Variants in POC1B observed in about 807,000 individuals in gnomAD.
POC1B encodes the protein POC1 centriolar protein B.
In POC1B, 44 loss-of-function variants were observed where a neutral mutation model predicts 60.6. That is an observed-to-expected ratio of 0.73 (90% CI 0.57 to 0.93). POC1B has a LOEUF of 0.93. POC1B is among the 40% of genes least tolerant of loss of function. The pLI is 0.00. For missense variants in POC1B, 555 were observed against 572.3 expected, an observed-to-expected ratio of 0.97 and a Z score of 0.31; for synonymous variants, 180 against 198.9, an observed-to-expected ratio of 0.90 and a Z score of 0.80.
intron 4 of POC1B, among the ~76,000 whole-genome samples, chr12:89,475,700 A>G (rs1883074949): frequency 6.6e-6 from 1 of 152,174 alleles, no homozygotes; most frequent in South Asian, 2.1e-4. Flanking sequence ...ACATTAATAG[A>G]TTTCTGACTC....
At chr12:89,425,107 T>A in intron 11 of POC1B, 54 bp downstream of exon 11, 2 of 1,552,832 alleles carry the variant, frequency 1.3e-6, no homozygotes, top group Non-Finnish European at 1.8e-6. Context: ...TATCCAGAAT[T>A]GTTTTGTGTA....
At chr12:89,525,344 C>A in intron 1 of POC1B, 140 bp from the exon 2 acceptor site, 1 of 1,435,370 alleles carries the variant, frequency 7.0e-7, no homozygotes, top group Non-Finnish European at 9.1e-7. Flanking sequence ...CGGGGCCGGG[C>A]AGCAGCCCAC....
intron 2 of POC1B, among the ~76,000 whole-genome samples, chr12:89,508,046 C>G (rs982859627): frequency 1.3e-5 from 2 of 152,246 alleles, no homozygotes; most frequent in African/African-American, 2.4e-5. Flanking sequence ...TCCTTCTAGT[C>G]CTTGGCAACC....
intron 9 of POC1B, among the ~76,000 whole-genome samples, chr12:89,466,436 C>T (rs1185831943): frequency 6.6e-6 from 1 of 151,988 alleles, no homozygotes; most frequent in African/African-American, 2.4e-5. Flanking sequence ...AAATTCTTGC[C>T]CTCCAGCCTT....
rs7299750 is a variant in POC1B, at chr12:89,522,888, C to T, written c.100+2232G>A. 2.3e-3 allele frequency: 3,696 copies of T among 1,613,428 alleles called. 86 individuals are homozygous for T. In the African/African-American group the frequency reaches 0.043, roughly 19 times the overall value. On this transcript the variant is annotated intron_variant, in intron 2 of 11. Transcript: ENST00000313546. ...TCATTTGTACATCAGGTCGGCCCTC[C>T]GGTGTCCGATAAGCACTAAGACACA...
At chr12:89,460,114 TATA>T (rs1036929247) in intron 9 of POC1B, 7 of 285,792 alleles carry the variant, frequency 2.4e-5, no homozygotes, top group African/African-American at 1.1e-4. Flanking sequence ...CTCATTCATA[TATA>T]ATGTTATCTA....
intron 10 of POC1B, among the ~76,000 whole-genome samples, chr12:89,457,975 G>A (rs1394960601): frequency 6.6e-6 from 1 of 152,160 alleles, no homozygotes; most frequent in African/African-American, 2.4e-5. Flanking sequence ...ACATCCTGCT[G>A]TCCCTTGCTA....
At chr12:89,520,475 G>C (rs1028850848) in intron 2 of POC1B, 3 of 152,008 alleles carry the variant, frequency 2.0e-5, no homozygotes, top group African/African-American at 7.2e-5. Flanking sequence ...GTGGGTTTAG[G>C]AGAATCCCTT....
chr12:89,414,691 C>T, the POC1B span, among the ~76,000 whole-genome samples: 2 of 152,202 alleles, frequency 1.3e-5, no homozygotes, highest in Non-Finnish European at 2.9e-5. Flanking sequence ...AGAGACCCAC[C>T]TGTTTTTATT....
rs1191920936 is a variant in POC1B, at chr12:89,430,846, T to A, written c.1114-5467A>T. On this transcript the variant is annotated intron_variant, in intron 10 of 11. Transcript: ENST00000313546. ...ATTGGTTGAACTGAATTTAATGGAC[T>A]GTCCTGCATCAGCTGAGCCAATCAC... Among the ~76,000 whole-genome samples the A allele has an allele frequency of 4.6e-5, 7 of 152,186 alleles. No homozygotes were observed. The South Asian group carries it at 6.2e-4, about 14-fold the overall frequency.
intron 7 of POC1B, 112 bp downstream of exon 7, chr12:89,470,249 T>C (rs1200736887): frequency 3.5e-6 from 2 of 574,414 alleles, no homozygotes; most frequent in Non-Finnish European, 4.6e-6. Flanking sequence ...ATAGCAGCAA[T>C]GTGTGCTATG....
intron 4 of POC1B, among the ~76,000 whole-genome samples, chr12:89,476,759 T>TAGATAGATAGACAGAC (rs1485211003): frequency 2.6e-4 from 15 of 58,642 alleles, no homozygotes; most frequent in East Asian, 1.8e-3. Flanking sequence ...GATAGATAGA[T>TAGATAGATAGACAGAC]AGACAGACAG....
chr12:89,522,743 A>G, intron 2 of POC1B: 1 of 1,504,834 alleles, frequency 6.6e-7, no homozygotes, highest in East Asian at 2.3e-5. Flanking sequence ...TACAATCTTC[A>G]CTGAGGCTCT....
rs761831640 is a variant in POC1B, at chr12:89,470,417, G to C, written c.754C>G (p.Leu252Val). Residue 252 changes from leucine (L) to valine (V), a missense_variant, in exon 7 of 12, where the codon CTT becomes GTT. Physicochemically the swap from Leu to Val is conservative, Grantham distance 32 (BLOSUM62 1). Transcript: ENST00000313546. ...YLITASSDGT[L>V]KILDLLEGRL... Reference sequence around the variant, plus strand: ...CCTTCTAAGAGGTCCAGAATCTTAAGGGTACCATCTGAAGAAGCTGTGATG... The same window carrying C: ...CCTTCTAAGAGGTCCAGAATCTTAACGGTACCATCTGAAGAAGCTGTGATG... 1.1e-5 allele frequency: 17 copies of C among 1,605,688 alleles called. No homozygotes were observed. The South Asian group carries it at 1.8e-4, about 17-fold the overall frequency.
At chr12:89,489,154 A>G (rs1307367227) in intron 4 of POC1B, among the ~76,000 whole-genome samples, 1 of 152,230 alleles carries the variant, frequency 6.6e-6, no homozygotes, top group Non-Finnish European at 1.5e-5. Context: ...AGTGATGGTG[A>G]TGAGAATGAC....
At chr12:89,501,505 A>G in intron 2 of POC1B, 1 of 981,454 alleles carries the variant, frequency 1.0e-6, no homozygotes, top group African/African-American at 1.6e-5. Context: ...GCGTGAAGAG[A>G]TGGGAAATGA....
At chr12:89,469,718 G>T (rs1441233392) in intron 7 of POC1B, among the ~76,000 whole-genome samples, 1 of 151,970 alleles carries the variant, frequency 6.6e-6, no homozygotes, top group Non-Finnish European at 1.5e-5. Context: ...CATGAAGGAA[G>T]GATCTGAAGT....
At chr12:89,467,794 C>A (rs1882740594) in intron 7 of POC1B, 109 bp from the exon 8 acceptor site, 2 of 726,146 alleles carry the variant, frequency 2.8e-6, no homozygotes, top group Admixed American at 5.1e-5. Flanking sequence ...ACTACTCATG[C>A]AATAAGTCTA....
chr12:89,405,610 TA>T, the POC1B span, among the ~76,000 whole-genome samples: 6,814 of 151,430 alleles, frequency 0.045, 428 homozygotes, highest in East Asian at 0.12. Flanking sequence ...CTGCAAGTAA[TA>T]AAAAAAAATA....
Sources: allele counts gnomAD v4.1 joint callset (sites outside exome capture counted in the v4.1 genomes callset), GRCh38; gene constraint gnomAD v4.1.1; transcripts MANE v1.5; gene names NCBI Gene and HGNC (gene_info 2026-07-23, HGNC 2026-07-21).